The following ZMYND11 variants were observed in gnomAD, a reference collection of about 807,000 sequenced individuals.
The protein encoded by ZMYND11 is zinc finger MYND-type containing 11.
ZMYND11 carries 9 observed loss-of-function variants against 84.9 expected under a neutral mutation model. The observed-to-expected ratio is 0.11, with a 90% CI of 0.06 to 0.18. The LOEUF is 0.18. Ranked by LOEUF, ZMYND11 falls within the 10% of genes least tolerant of loss-of-function variation. ZMYND11 has a pLI of 1.00. For synonymous variants in ZMYND11, 250 were observed against 244.1 expected (o/e 1.02, Z -0.23); for missense variants, 409 against 761.0 (o/e 0.54, Z 5.44).
chr10:244,845 G>A (rs554614727), intron 10 of ZMYND11, among the ~76,000 whole-genome samples: 2 of 152,322 alleles, frequency 1.3e-5, no homozygotes, highest in South Asian at 4.1e-4. Context: ...TTGATTAAAG[G>A]AGAATAGAAG....
intron 9 of ZMYND11, 141 bp from the exon 10 acceptor site, chr10:241,877 GAAA>G: frequency 2.9e-6 from 3 of 1,033,740 alleles, no homozygotes; most frequent in East Asian, 2.6e-5. Flanking sequence ...GTCAATCCCA[GAAA>G]AAAAATCTCG....
intron 4 of ZMYND11, among the ~76,000 whole-genome samples, chr10:225,736 G>A (rs1418788545): frequency 6.6e-6 from 1 of 152,194 alleles, no homozygotes; most frequent in Non-Finnish European, 1.5e-5. Context: ...AGAGACAGAC[G>A]TGTGCTTGGA....
At chr10:241,997 C>T in intron 9 of ZMYND11, 24 bp from the exon 10 acceptor site, 1 of 1,611,646 alleles carries the variant, frequency 6.2e-7, no homozygotes. Context: ...AGTAATATAA[C>T]AAGGTAAAAC....
chr10:196,976 C>T (rs1182781137), intron 2 of ZMYND11, among the ~76,000 whole-genome samples: 7 of 152,076 alleles, frequency 4.6e-5, no homozygotes, highest in South Asian at 4.1e-4. Flanking sequence ...TGCCCACGTG[C>T]GCATTGTATT....
chr10:192,965 T>G (rs1408801604), intron 2 of ZMYND11, among the ~76,000 whole-genome samples: 1 of 152,230 alleles, frequency 6.6e-6, no homozygotes, highest in East Asian at 1.9e-4. Context: ...TTTGTAAACT[T>G]CTTTTCTCAT....
At chr10:239,799 TTAATTCTGATCATTTCCCCACTAG>T (rs2131740858) in intron 7 of ZMYND11, among the ~76,000 whole-genome samples, 1 of 152,340 alleles carries the variant, frequency 6.6e-6, no homozygotes, top group African/African-American at 2.4e-5. Flanking sequence ...AGCACTATGA[TTAATTCTGATCATTTCCCCACTAG>T]TACCACATCA....
intron 2 of ZMYND11, among the ~76,000 whole-genome samples, chr10:190,270 G>C (rs562704114): frequency 3.3e-5 from 5 of 152,088 alleles, no homozygotes; most frequent in Admixed American, 1.3e-4. Context: ...GTTGGTGTTA[G>C]AGATGCTTTT....
At position 253,469 on chromosome 10, in the gene ZMYND11, C is replaced by G. The variant is rs936463699; in HGVS notation, c.*999C>G. On this transcript the variant is annotated 3_prime_UTR_variant, in exon 15 of 15. Coordinates refer to ENST00000381604, the MANE Select transcript of ZMYND11 (RefSeq NM_001370100.5). Reference sequence around the variant, plus strand: ...CATTGCCTACTAATGAACTCCATCACTGTACACAGAATGAAGAATAATGCA... The same window carrying G: ...CATTGCCTACTAATGAACTCCATCAGTGTACACAGAATGAAGAATAATGCA... 5.4e-4 allele frequency: 83 copies of G among 152,730 alleles called. No individual in the cohort carries two copies. Among genetic ancestry groups the G allele is most frequent in the African/African-American group, 1.9e-3 (81 of 41,546 alleles). The allele number at this position is 152,730 out of a possible 1,614,324, so 9.5% of individuals were successfully genotyped here.
chr10:231,775 A>AT (rs963881445), intron 4 of ZMYND11, among the ~76,000 whole-genome samples: 2 of 152,094 alleles, frequency 1.3e-5, no homozygotes, highest in African/African-American at 4.8e-5. Flanking sequence ...ATTTTCTGTT[A>AT]TTTTTTTCTT....
chr10:157,395 T>C (rs1469025274), intron 1 of ZMYND11, among the ~76,000 whole-genome samples: 1 of 152,122 alleles, frequency 6.6e-6, no homozygotes, highest in Non-Finnish European at 1.5e-5. Flanking sequence ...AGACGGGGTG[T>C]CACCATGTTG....
At chr10:230,048 A>G (rs1391589813) in intron 4 of ZMYND11, among the ~76,000 whole-genome samples, 2 of 152,226 alleles carry the variant, frequency 1.3e-5, no homozygotes, top group African/African-American at 2.4e-5. Flanking sequence ...GTTTTCTGCT[A>G]TTACAATTAT....
chr10:214,824 G>A (rs559363574), intron 3 of ZMYND11, among the ~76,000 whole-genome samples: 6 of 152,296 alleles, frequency 3.9e-5, no homozygotes, highest in East Asian at 1.9e-4. Context: ...AATGTGAGAA[G>A]TGTATTTCTT....
At chr10:151,921 G>A (rs1840466162) in intron 1 of ZMYND11, among the ~76,000 whole-genome samples, 1 of 152,266 alleles carries the variant, frequency 6.6e-6, no homozygotes, top group African/African-American at 2.4e-5. Flanking sequence ...CAACATTCAT[G>A]AAGAAAAGAG....
chr10:180,235 A>G, intron 2 of ZMYND11, 107 bp downstream of exon 2: 1 of 713,116 alleles, frequency 1.4e-6, no homozygotes, highest in Non-Finnish European at 2.3e-6. Context: ...TATTACAAAG[A>G]ACTGAAGACA....
chr10:224,855 CAT>C (rs1315726462), intron 4 of ZMYND11, among the ~76,000 whole-genome samples: 7 of 152,284 alleles, frequency 4.6e-5, no homozygotes, highest in African/African-American at 1.4e-4. Flanking sequence ...TCAAAGGTGA[CAT>C]ATGCAAATGC....
At chr10:249,161 G>A in intron 14 of ZMYND11, 73 bp downstream of exon 14, 1 of 1,598,732 alleles carries the variant, frequency 6.3e-7, no homozygotes, top group Non-Finnish European at 8.5e-7. Context: ...AATTCAGAAG[G>A]TAGCTGTGGC....
chr10:183,648 T>C (rs551597731), intron 2 of ZMYND11, among the ~76,000 whole-genome samples: 1 of 152,380 alleles, frequency 6.6e-6, no homozygotes, highest in Non-Finnish European at 1.5e-5. Flanking sequence ...TCTCTTTATG[T>C]ATTTAGCAGT....
At chr10:172,033 T>A (rs1845445651) in intron 1 of ZMYND11, among the ~76,000 whole-genome samples, 1 of 152,224 alleles carries the variant, frequency 6.6e-6, no homozygotes, top group East Asian at 1.9e-4. Context: ...GCTTCCAAGA[T>A]GATACTTTAT....
At chr10:153,292 T>G (rs1840863734) in intron 1 of ZMYND11, among the ~76,000 whole-genome samples, 1 of 152,236 alleles carries the variant, frequency 6.6e-6, no homozygotes, top group Non-Finnish European at 1.5e-5. Flanking sequence ...GTGATTCCTA[T>G]ATAATTGAAT....
Sources: gnomAD v4.1 joint callset for allele counts (sites outside exome capture counted in the v4.1 genomes callset) on GRCh38, gnomAD v4.1.1 for gene constraint, MANE v1.5 for transcripts, NCBI Gene and HGNC (gene_info 2026-07-23, HGNC 2026-07-21) for gene names.